IQCM: variants seen among roughly 807,000 people sequenced by gnomAD.
IQCM encodes the protein IQ domain-containing protein M.
A neutral mutation model predicts 57.6 loss-of-function variants in IQCM; 45 were observed. The ratio of observed to expected loss-of-function variants is 0.78; its 90% CI spans 0.62 to 1.00. The LOEUF (loss-of-function observed/expected upper bound fraction) is 1.00. Among genes scored for constraint, IQCM ranks in the 50% least tolerant of loss-of-function variants. The pLI is 0.00. For missense variants in IQCM, 468 were observed against 511.6 expected, an observed-to-expected ratio of 0.91 and a Z score of 0.82; for synonymous variants, 148 against 158.9, an observed-to-expected ratio of 0.93 and a Z score of 0.51.
intron 13 of IQCM, among the ~76,000 whole-genome samples, chr4:149,398,857 T>A (rs958027851): frequency 6.6e-6 from 1 of 151,882 alleles, no homozygotes; most frequent in African/African-American, 2.4e-5. Flanking sequence ...CAGGCATACA[T>A]CACCATGCAT....
At chr4:149,773,392 C>G (rs74600298) in intron 2 of IQCM, among the ~76,000 whole-genome samples, 1 of 151,692 alleles carries the variant, frequency 6.6e-6, no homozygotes, top group Admixed American at 6.6e-5. Flanking sequence ...CCAAATAGAT[C>G]GAATATCACA....
chr4:149,466,513 G>C (rs775362057), intron 12 of IQCM, among the ~76,000 whole-genome samples: 1 of 152,086 alleles, frequency 6.6e-6, no homozygotes, highest in Non-Finnish European at 1.5e-5. Flanking sequence ...GATTAGCATG[G>C]ACTACTTATG....
intron 8 of IQCM, among the ~76,000 whole-genome samples, chr4:149,614,928 G>A (rs1480081445): frequency 6.6e-6 from 1 of 152,178 alleles, no homozygotes; most frequent in Non-Finnish European, 1.5e-5. Context: ...TAGTATGTTA[G>A]CCACTTGCTG....
intron 2 of IQCM, among the ~76,000 whole-genome samples, chr4:149,768,880 C>T (rs544911375): frequency 1.3e-5 from 2 of 152,034 alleles, no homozygotes; most frequent in South Asian, 4.1e-4. Flanking sequence ...CTTTATGTAA[C>T]TCGTTAACCA....
At position 149,448,250 on chromosome 4, in the gene IQCM, T is replaced by C. The variant is rs568375528; in HGVS notation, c.1229-14693A>G. On this transcript the variant is annotated intron_variant, in intron 12 of 13. Coordinates refer to ENST00000636793, the MANE Select transcript of IQCM (RefSeq NM_001363507.2). ...GAAAGATTTTGAAAACTTTAGAAAC[T>C]ATACAACATTTCTAAATAACTCTTG... 1.1e-4 allele frequency among the ~76,000 whole-genome samples: 16 copies of C among 151,728 alleles called. No individual in the cohort carries two copies. In the South Asian group the frequency reaches 3.3e-3, roughly 31 times the overall value.
chr4:149,355,742 C>T (rs1038091761), intron 13 of IQCM, among the ~76,000 whole-genome samples: 1 of 152,056 alleles, frequency 6.6e-6, no homozygotes, highest in East Asian at 1.9e-4. Context: ...GATTTATAAT[C>T]CTTTGGGTAT....
intron 2 of IQCM, among the ~76,000 whole-genome samples, chr4:149,746,534 A>T (rs1281423402): frequency 6.6e-6 from 1 of 152,076 alleles, no homozygotes; most frequent in Non-Finnish European, 1.5e-5. Flanking sequence ...ATGGTTTCTG[A>T]ACTTCATTTA....
At chr4:149,759,498 T>C (rs1359870155) in intron 2 of IQCM, among the ~76,000 whole-genome samples, 1 of 152,112 alleles carries the variant, frequency 6.6e-6, no homozygotes, top group Non-Finnish European at 1.5e-5. Flanking sequence ...GACTATAGTA[T>C]AGCCTCATGA....
At chr4:149,447,472 C>T (rs965759847) in intron 12 of IQCM, among the ~76,000 whole-genome samples, 1 of 151,504 alleles carries the variant, frequency 6.6e-6, no homozygotes, top group Admixed American at 6.6e-5. Flanking sequence ...TAAAATTAAA[C>T]ATCTAGAAAT....
chr4:149,599,891 C>G (rs1754115461), intron 8 of IQCM, among the ~76,000 whole-genome samples: 1 of 151,958 alleles, frequency 6.6e-6, no homozygotes, highest in South Asian at 2.1e-4. Flanking sequence ...TCTAAAAGGC[C>G]AGATTGAAGA....
intron 10 of IQCM, among the ~76,000 whole-genome samples, chr4:149,562,024 T>C (rs1246411738): frequency 6.6e-6 from 1 of 152,190 alleles, no homozygotes; most frequent in East Asian, 1.9e-4. Context: ...AATCAAGATT[T>C]GCAGTTTGCT....
intron 10 of IQCM, among the ~76,000 whole-genome samples, chr4:149,554,950 C>T (rs1168820926): frequency 6.6e-6 from 1 of 152,100 alleles, no homozygotes; most frequent in Non-Finnish European, 1.5e-5. Context: ...CCGCCTGCCT[C>T]GGCCTCCCAA....
chr4:149,756,860 T>C (rs1404858695), intron 2 of IQCM, among the ~76,000 whole-genome samples: 2 of 152,186 alleles, frequency 1.3e-5, no homozygotes, highest in Non-Finnish European at 2.9e-5. Context: ...AATGTTCCCA[T>C]TGAAATATTA....
At chr4:149,580,615 G>A (rs1444273985) in intron 9 of IQCM, among the ~76,000 whole-genome samples, 2 of 151,774 alleles carry the variant, frequency 1.3e-5, no homozygotes, top group Non-Finnish European at 2.9e-5. Context: ...AAACAAGGTA[G>A]GGAACTATAG....
chr4:149,656,704 C>T (rs544117266), intron 7 of IQCM, among the ~76,000 whole-genome samples: 6 of 152,164 alleles, frequency 3.9e-5, no homozygotes, highest in Non-Finnish European at 5.9e-5. Context: ...CTGAGCAATC[C>T]GTGGTGGGGC....
chr4:149,506,208 T>C (rs1442648272), intron 12 of IQCM, among the ~76,000 whole-genome samples: 1 of 152,212 alleles, frequency 6.6e-6, no homozygotes, highest in Non-Finnish European at 1.5e-5. Context: ...TTCAGGGGTA[T>C]GTGCATAAGG....
intron 8 of IQCM, among the ~76,000 whole-genome samples, chr4:149,620,504 C>T (rs142103533): frequency 1.6e-4 from 25 of 152,254 alleles, no homozygotes; most frequent in East Asian, 7.7e-4. Context: ...ACAGACACTG[C>T]GAAACACAAT....
At chr4:149,555,326 A>G (rs1372664506) in intron 10 of IQCM, among the ~76,000 whole-genome samples, 1 of 152,206 alleles carries the variant, frequency 6.6e-6, no homozygotes, top group Non-Finnish European at 1.5e-5. Flanking sequence ...TTTGAAGCCA[A>G]AAGTCAGGTG....
chr4:149,405,728 G>A (rs1732926388), intron 13 of IQCM, among the ~76,000 whole-genome samples: 1 of 150,842 alleles, frequency 6.6e-6, no homozygotes. Context: ...GAATATTAAA[G>A]TCACAAACTT....
Sources: allele counts gnomAD v4.1 joint callset (sites outside exome capture counted in the v4.1 genomes callset), GRCh38; gene constraint gnomAD v4.1.1; transcripts MANE v1.5; gene names NCBI Gene and HGNC (gene_info 2026-07-23, HGNC 2026-07-21).